CXCR3: variants seen among roughly 807,000 people sequenced by gnomAD.
CXCR3 encodes the protein C-X-C motif chemokine receptor 3, also known as C-X-C chemokine receptor type 3.
For missense variants in CXCR3, 239 were observed against 310.2 expected, an observed-to-expected ratio of 0.77 and a Z score of 1.72; for synonymous variants, 136 against 148.0, an observed-to-expected ratio of 0.92 and a Z score of 0.59.
rs1415409982 is a variant in CXCR3, at chrX:71,616,417, C to T, written c.1055G>A (p.Arg352His). 12 of 1,206,214 alleles carry T rather than the reference C, an allele frequency of 9.9e-6. No individual in the cohort carries two copies. The highest frequency in any genetic ancestry group is 7.0e-5 in the African/African-American group (4 of 57,233). Residue 352 changes from arginine (R) to histidine (H), a missense_variant, in exon 2 of 2, where the codon CGC becomes CAC. Arg to His is a conservative substitution (Grantham distance 29, BLOSUM62 0). Transcript: ENST00000373693. ...RGLQRQPSSS[R>H]RDSSWSETSE... ...GGTCTCAGACCAGGATGAATCCCGG[C>T]GGGAAGACGATGGCTGCCTCTGGAG...
Position 71,617,445 on chromosome X carries a change from TTGG to T in CXCR3, c.24_26del (p.His8del). On this transcript the variant is annotated inframe_deletion, in exon 2 of 2. Transcript: ENST00000373693. Reference sequence around the variant, plus strand: ...CGGCAACCTCGGCGTCATTTAGCACTTGGTGGTCACTCACCTGTGAGGGCGGGA... The same window carrying T: ...CGGCAACCTCGGCGTCATTTAGCACTTGGTCACTCACCTGTGAGGGCGGGA... The T allele has an allele frequency of 8.3e-7, 1 of 1,211,492 alleles. No individual in the cohort carries two copies. Among genetic ancestry groups the T allele is most frequent in the Non-Finnish European group, 1.1e-6 (1 of 895,391 alleles).
intron 1 of CXCR3, 169 bp downstream of exon 1, chrX:71,618,269 G>T: frequency 2.3e-6 from 1 of 436,932 alleles, no homozygotes; most frequent in Non-Finnish European, 2.8e-6. Context: ...CAGTGGCCAA[G>T]CTGGGTTCCC....
At position 71,616,837 on chromosome X, in the gene CXCR3, C is replaced by T. The variant is rs766391774; in HGVS notation, c.635G>A (p.Arg212His). The change falls in exon 2 of 2, where the codon CGC (arginine) becomes CAC (histidine). Residue 212 changes from arginine (R) to histidine (H), a missense_variant. Arg to His is a conservative substitution (Grantham distance 29). Coordinates refer to ENST00000373693, the MANE Select transcript of CXCR3 (RefSeq NM_001504.2). ...HCQYNFPQVG[R>H]TALRVLQLVA... ...CAGCTGCAGCACCCGCAGAGCCGTG[C>T]GGCCCACCTGTGGGAAGTTGTATTG... 2.1e-5 allele frequency: 25 copies of T among 1,208,399 alleles called. No individual in the cohort carries two copies. The highest frequency in any genetic ancestry group is 3.5e-5 in the South Asian group (2 of 56,373).
Position 71,617,113 on chromosome X carries a change from C to G in CXCR3, c.359G>C (p.Gly120Ala). 1 of 1,203,351 alleles carries G rather than the reference C, an allele frequency of 8.3e-7. No homozygotes were observed. Among genetic ancestry groups the G allele is most frequent in the Non-Finnish European group, 1.1e-6 (1 of 889,515 alleles). Reference sequence around the variant, plus strand: ...ACCTGCCACTTTGCAGAGGCCAGAGCCAAAGACCCACTGGACGGCAGCGTC... The same window carrying G: ...ACCTGCCACTTTGCAGAGGCCAGAGGCAAAGACCCACTGGACGGCAGCGTC... ...AVDAAVQWVFGSGLCKVAGAL... is the reference protein window; with the variant it reads ...AVDAAVQWVFASGLCKVAGAL... The change falls in exon 2 of 2, where the codon GGC (glycine) becomes GCC (alanine). Residue 120 changes from glycine to alanine, a missense_variant. By Grantham distance (60) the Gly-to-Ala change is moderately conservative. Coordinates refer to ENST00000373693, the MANE Select transcript of CXCR3 (RefSeq NM_001504.2).
Position 71,617,278 on chromosome X carries a change from AG to A in CXCR3, c.193del (p.Leu65CysfsTer15), listed in dbSNP as rs2040858731. ...CGCGCCGTTGCCCAGCAGCCCCAGCAGAAAGAGGAGGCTGTAGAGGGCTGGC... is the reference window on the plus strand; with the variant it reads ...CGCGCCGTTGCCCAGCAGCCCCAGCAAAAGAGGAGGCTGTAGAGGGCTGGC... ...FLPALYSLLFLLGLLGNGAVA... is the reference protein window; with the variant it reads ...FLPALYSLLFXLGLLGNGAVA... On this transcript the variant is annotated frameshift_variant, in exon 2 of 2. Coordinates refer to ENST00000373693, the MANE Select transcript of CXCR3 (RefSeq NM_001504.2). LOFTEE classifies it low-confidence loss of function (END_TRUNC). 1 of 1,200,382 alleles carries A rather than the reference AG, an allele frequency of 8.3e-7. No homozygotes were observed. The highest frequency in any genetic ancestry group is 1.1e-6 in the Non-Finnish European group (1 of 890,107).
At position 71,617,731 on chromosome X, in the gene CXCR3, G is replaced by C. The variant is rs34405860; in HGVS notation, c.13-272C>G. 78 of 1,072,659 alleles carry C rather than the reference G, an allele frequency of 7.3e-5. No homozygotes were observed. In the East Asian group the frequency reaches 2.6e-3, roughly 35 times the overall value. 88.4% of individuals were successfully genotyped at this position (1,072,659 alleles called of 1,213,427 possible). Reference sequence around the variant, plus strand: ...GGGCAGGAAGAAGAGCGTCCCTCCAGTGCCCAGAGCCCTCTCTGCCCACTG... The same window carrying C: ...GGGCAGGAAGAAGAGCGTCCCTCCACTGCCCAGAGCCCTCTCTGCCCACTG... On this transcript the variant is annotated intron_variant, in intron 1 of 1. Transcript: ENST00000373693.
In CXCR3 at chrX:71,617,429, C is replaced by T. The variant is rs747098776; in HGVS notation, c.43G>A (p.Glu15Lys). 3.4e-5 allele frequency: 41 copies of T among 1,211,494 alleles called. No individual in the cohort carries two copies. Among genetic ancestry groups the T allele is most frequent in the South Asian group, 7.0e-5 (4 of 56,898 alleles). Residue 15 changes from glutamate (E) to lysine (K), a missense_variant, in exon 2 of 2, where the codon GAG (glutamate) becomes AAG (lysine). Transcript: ENST00000373693. ...VSDHQVLNDAEVAALLENFSS... is the reference protein window; with the variant it reads ...VSDHQVLNDAKVAALLENFSS... ...AAGTTCTCCAGGAGGGCGGCAACCT[C>T]GGCGTCATTTAGCACTTGGTGGTCA...
At chrX:71,617,876 A>G (rs2040865826) in intron 1 of CXCR3, among the ~76,000 whole-genome samples, 2 of 101,813 alleles carry the variant, frequency 2.0e-5, no homozygotes, top group Non-Finnish European at 4.0e-5. Flanking sequence ...TCCAGTCACT[A>G]ACCCTCCTCT....
chrX:71,617,134 G>A lies in CXCR3; in HGVS notation c.338C>T (p.Ala113Val). Residue 113 changes from alanine (A) to valine (V), a missense_variant, in exon 2 of 2, where the codon GCT (alanine) becomes GTT (valine). Coordinates refer to ENST00000373693, the MANE Select transcript of CXCR3 (RefSeq NM_001504.2). The part of the protein sequence containing the change: ...VLTLPLWAVD[A>V]AVQWVFGSGL... ...AGAGCCAAAGACCCACTGGACGGCA[G>A]CGTCCACTGCCCAGAGCGGCAGTGT... is the stretch of plus-strand genomic sequence containing the variant. 1 of 1,206,169 alleles carries A rather than the reference G, an allele frequency of 8.3e-7. No individual in the cohort carries two copies. Among genetic ancestry groups the A allele is most frequent in the Non-Finnish European group, 1.1e-6 (1 of 891,637 alleles).
At position 71,616,653 on chromosome X, in the gene CXCR3, C is replaced by T; in HGVS notation, c.819G>A (p.Leu273=). Reference sequence around the variant, plus strand: ...CCATGAGGATGTCCACCAGCACCACCAGGTGATAGGGGGTCCAGCAGAGGG... The same window carrying T: ...CCATGAGGATGTCCACCAGCACCACTAGGTGATAGGGGGTCCAGCAGAGGG... ...AFALCWTPYH[L]VVLVDILMDL... is the part of the protein sequence containing the mutation. The change falls in exon 2 of 2, where the codon CTG becomes CTA. Residue 273 remains leucine, a synonymous_variant. Coordinates refer to ENST00000373693, the MANE Select transcript of CXCR3 (RefSeq NM_001504.2). 1 of 1,211,978 alleles carries T rather than the reference C, an allele frequency of 8.3e-7. No homozygotes were observed.
chrX:71,617,889 C>T (rs1320881072), intron 1 of CXCR3, among the ~76,000 whole-genome samples: 1 of 107,324 alleles, frequency 9.3e-6, no homozygotes, highest in Non-Finnish European at 1.9e-5. Flanking sequence ...CCTCCTCTTC[C>T]CTCCTTGGCC....
chrX:71,618,107 T>C (rs1317700404), intron 1 of CXCR3, among the ~76,000 whole-genome samples: 1 of 106,115 alleles, frequency 9.4e-6, no homozygotes, highest in Non-Finnish European at 1.9e-5. Context: ...ACTATGGACC[T>C]GCAGGTCTCC....
chrX:71,617,524 G>A (rs748585288), intron 1 of CXCR3, 65 bp from the exon 2 acceptor site: 2 of 1,185,308 alleles, frequency 1.7e-6, no homozygotes, highest in South Asian at 3.7e-5. Context: ...TTTTGTGATT[G>A]AGTCTGATTT....
intron 1 of CXCR3, 53 bp downstream of exon 1, chrX:71,618,385 C>T: frequency 8.3e-7 from 1 of 1,211,570 alleles, no homozygotes; most frequent in South Asian, 1.8e-5. Context: ...CCCTGATGCC[C>T]CGGGTTTTCC....
In CXCR3 at chrX:71,616,636, A is replaced by T. The variant is rs372858331; in HGVS notation, c.836T>A (p.Ile279Asn). 1.7e-6 allele frequency: 2 copies of T among 1,210,445 alleles called. No individual in the cohort carries two copies. Among genetic ancestry groups the T allele is most frequent in the Admixed American group, 2.2e-5 (1 of 45,923 alleles). ...GGCCAAAGCGCCCAGGTCCATGAGG[A>T]TGTCCACCAGCACCACCAGGTGATA... is the stretch of plus-strand genomic sequence containing the variant. ...TPYHLVVLVD[I>N]LMDLGALARN... Residue 279 changes from isoleucine to asparagine, a missense_variant, in exon 2 of 2, where the codon ATC (isoleucine) becomes AAC (asparagine). Coordinates refer to ENST00000373693, the MANE Select transcript of CXCR3 (RefSeq NM_001504.2).
In CXCR3 at chrX:71,616,489, C is replaced by T. The variant is rs2040848209; in HGVS notation, c.983G>A (p.Arg328Gln). 1.7e-6 allele frequency: 2 copies of T among 1,211,516 alleles called. No homozygotes were observed. Among genetic ancestry groups the T allele is most frequent in the Non-Finnish European group, 2.2e-6 (2 of 895,303 alleles). ...CAGGCGCAAGAGCAGCATCCACATC[C>T]GCTCCCGGAACTTGACCCCTACAAA... ...YAFVGVKFRE[R>Q]MWMLLLRLGC... Residue 328 changes from arginine (R) to glutamine (Q), a missense_variant, in exon 2 of 2, where the codon CGG becomes CAG. Arg to Gln is a conservative substitution (Grantham distance 43). Transcript: ENST00000373693.
chrX:71,616,151 C>T lies in CXCR3; in HGVS notation c.*214G>A, dbSNP rs763280291. On this transcript the variant is annotated 3_prime_UTR_variant, in exon 2 of 2. Coordinates refer to ENST00000373693, the MANE Select transcript of CXCR3 (RefSeq NM_001504.2). Reference sequence around the variant, plus strand: ...GCAGTGGGGCTCCAGGCAGCCACCTCGGGCGGCAGGATGGGGCTTGGCAGC... The same window carrying T: ...GCAGTGGGGCTCCAGGCAGCCACCTTGGGCGGCAGGATGGGGCTTGGCAGC... 70 of 437,532 alleles carry T rather than the reference C, an allele frequency of 1.6e-4. No homozygotes were observed. The highest frequency in any genetic ancestry group is 2.4e-4 in the Non-Finnish European group (65 of 276,289). The allele number at this position is 437,532 out of a possible 1,213,427, so 36.1% of individuals were successfully genotyped here.
rs1272272844 is a variant in CXCR3 at position 71,616,295 on chromosome X, CAGAG to C, written c.*66_*69del. On this transcript the variant is annotated 3_prime_UTR_variant, in exon 2 of 2. Coordinates refer to ENST00000373693, the MANE Select transcript of CXCR3 (RefSeq NM_001504.2). ...GGATATTGGGGAGAGCCAGAGCCGG[CAGAG>C]GGAGGGAGGAGCCTGGAATGCGGGG... 5 of 1,113,517 alleles carry C rather than the reference CAGAG, an allele frequency of 4.5e-6. No homozygotes were observed. The highest frequency in any genetic ancestry group is 5.9e-6 in the Non-Finnish European group (5 of 846,123). 91.8% of individuals were successfully genotyped at this position (1,113,517 alleles called of 1,213,427 possible). A position where few individuals can be genotyped will look rare whatever the true frequency, so the allele number is the denominator to read the frequency against.
chrX:71,617,904 T>C (rs1332419916), intron 1 of CXCR3, among the ~76,000 whole-genome samples: 1 of 105,589 alleles, frequency 9.5e-6, no homozygotes, highest in Non-Finnish European at 2.0e-5. Flanking sequence ...TTGGCCCTTG[T>C]CCGGGGACCC....
Sources: gnomAD v4.1 joint callset for allele counts (sites outside exome capture counted in the v4.1 genomes callset) on GRCh38, gnomAD v4.1.1 for gene constraint, MANE v1.5 for transcripts, NCBI Gene and HGNC (gene_info 2026-07-23, HGNC 2026-07-21) for gene names.